CDHR3: variants seen among roughly 807,000 people sequenced by gnomAD.
The protein encoded by CDHR3 is cadherin related family member 3, also known as cadherin-related family member 3.
Under a neutral mutation model 86.6 loss-of-function variants are expected in CDHR3, and 79 were observed. The ratio of observed to expected loss-of-function variants is 0.91; its 90% CI spans 0.76 to 1.10. The LOEUF is 1.10. Among genes scored for constraint, CDHR3 ranks in the 50% least tolerant of loss-of-function variants. The probability of loss-of-function intolerance (pLI) is 0.00; values close to 1 mark genes in which losing one functional copy is unlikely to be tolerated. For missense variants in CDHR3, 1,081 were observed against 1,077.6 expected (o/e 1.00, Z -0.04); for synonymous variants, 421 against 402.4 (o/e 1.05, Z -0.55).
rs78878726 is a variant in CDHR3 at position 106,028,713 on chromosome 7, T to C, written c.2304+131T>C. ...CAGGGAGGTGCTTGTGTTTGGCTAC[T>C]GGAACAGATTGCTGTGTGACGAGCT... is the stretch of plus-strand genomic sequence containing the variant. On this transcript the variant is annotated intron_variant, in intron 17 of 18. Transcript: ENST00000317716. 8.3e-4 allele frequency: 732 copies of C among 878,506 alleles called. 9 individuals are homozygous for C. The East Asian group carries it at 0.018, about 22-fold the overall frequency. 54.4% of individuals were successfully genotyped at this position (878,506 alleles called of 1,614,324 possible).
Position 105,981,044 on chromosome 7 carries a change from AT to A in CDHR3, c.327del (p.Asp109GlufsTer11). ...NIFDLQIYVK[D>X]EVGVTDLQVL... ...TTTGATTTGCAGATTTATGTGAAGG[AT>A]GAGGTTGGTGTCACAGACCTGCAAG... On this transcript the variant is annotated frameshift_variant, in exon 3 of 19. Transcript: ENST00000317716. LOFTEE classifies it high-confidence loss of function. The A allele has an allele frequency of 6.2e-7, 1 of 1,613,028 alleles. No homozygotes were observed. The highest frequency in any genetic ancestry group is 1.7e-5 in the Admixed American group (1 of 59,882).
Position 106,032,601 on chromosome 7 carries a change from G to C in CDHR3, c.2562G>C (p.Leu854=). The C allele has an allele frequency of 6.2e-7, 1 of 1,613,922 alleles. No homozygotes were observed. Among genetic ancestry groups the C allele is most frequent in the Non-Finnish European group, 8.5e-7 (1 of 1,179,880 alleles). The change falls in exon 19 of 19, where the codon CTG becomes CTC. Residue 854 remains leucine, a synonymous_variant. Coordinates refer to ENST00000317716, the MANE Select transcript of CDHR3 (RefSeq NM_152750.5). The stretch of plus-strand genomic sequence containing the variant: ...AAGCGTGGGCTGAGGATGCTGGTCT[G>C]GGTTCCAGAAATGAGGGTGGCAAGC... ...SGKAWAEDAG[L]GSRNEGGKLG... is the part of the protein sequence containing the mutation.
At chr7:106,001,407 T>C in intron 6 of CDHR3, 55 bp from the exon 7 acceptor site, 3 of 1,602,800 alleles carry the variant, frequency 1.9e-6, no homozygotes, top group Non-Finnish European at 1.7e-6. Flanking sequence ...ATCGCCTAGA[T>C]GCTACCTTCC....
At chr7:106,016,240 G>A (rs956043887) in intron 11 of CDHR3, among the ~76,000 whole-genome samples, 3 of 152,140 alleles carry the variant, frequency 2.0e-5, no homozygotes, top group African/African-American at 4.8e-5. Context: ...GAAAACTGTT[G>A]GTTAAACTGC....
chr7:106,019,124 G>C (rs1475032710), intron 12 of CDHR3, among the ~76,000 whole-genome samples: 1 of 152,186 alleles, frequency 6.6e-6, no homozygotes, highest in East Asian at 1.9e-4. Flanking sequence ...GGCAGCCATA[G>C]ACAAAGATTG....
chr7:105,974,221 C>T (rs1429910703), intron 1 of CDHR3, among the ~76,000 whole-genome samples: 1 of 152,210 alleles, frequency 6.6e-6, no homozygotes, highest in Non-Finnish European at 1.5e-5. Context: ...ATCCCTGAGC[C>T]TCTTGTTTCC....
chr7:106,022,296 A>G lies in CDHR3; in HGVS notation c.1924A>G (p.Lys642Glu). 1 of 1,614,004 alleles carries G rather than the reference A, an allele frequency of 6.2e-7. No individual in the cohort carries two copies. Among genetic ancestry groups the G allele is most frequent in the Non-Finnish European group, 8.5e-7 (1 of 1,179,890 alleles). ...CTTTGACTATGCTGGTGGGTTTGAT[A>G]AGATCTGGGACTACAAGCTACTTGT... is the stretch of plus-strand genomic sequence containing the variant. ...SRFDYAGGFD[K>E]IWDYKLLVYV... Residue 642 changes from lysine (K) to glutamate (E), a missense_variant, in exon 14 of 19, where the codon AAG (lysine) becomes GAG (glutamate). By Grantham distance (56) the Lys-to-Glu change is moderately conservative. Coordinates refer to ENST00000317716, the MANE Select transcript of CDHR3 (RefSeq NM_152750.5).
chr7:105,978,045 G>A (rs754579517), intron 2 of CDHR3, among the ~76,000 whole-genome samples: 5 of 152,274 alleles, frequency 3.3e-5, no homozygotes, highest in Admixed American at 6.5e-5. Context: ...CACACTGAAG[G>A]TGGGAAAACT....
At chr7:105,993,693 A>G (rs1393206681) in intron 4 of CDHR3, among the ~76,000 whole-genome samples, 2 of 113,236 alleles carry the variant, frequency 1.8e-5, no homozygotes, top group Admixed American at 1.6e-4. Flanking sequence ...AAAAAAAAAA[A>G]AAAAAAAAAA....
chr7:105,967,834 C>T (rs1285825509), intron 1 of CDHR3, among the ~76,000 whole-genome samples: 2 of 151,994 alleles, frequency 1.3e-5, no homozygotes, highest in Non-Finnish European at 2.9e-5. Flanking sequence ...TGTTTTAGTT[C>T]TTTGTAGATT....
At chr7:105,979,477 A>G (rs1411255265) in intron 2 of CDHR3, among the ~76,000 whole-genome samples, 3 of 152,324 alleles carry the variant, frequency 2.0e-5, no homozygotes, top group South Asian at 2.1e-4. Flanking sequence ...AATGTCCAAC[A>G]TAATACCTAC....
In CDHR3 at chr7:105,963,364, G is replaced by A. The variant is rs1772753183; in HGVS notation, c.46G>A (p.Gly16Arg). Residue 16 changes from glycine (G) to arginine (R), a missense_variant and splice_region_variant, in exon 1 of 19, where the codon GGG becomes AGG. Gly to Arg is a moderately radical substitution (Grantham distance 125). Transcript: ENST00000317716. The stretch of plus-strand genomic sequence containing the variant: ...CCTGGCTCTCCTGGGTGCCATGTCA[G>A]GTAGGAACTCAATTTTGCTTTGGAA... ...ILLALLGAMSGGEALHLILLP... is the reference protein window; with the variant it reads ...ILLALLGAMSRGEALHLILLP... 6.2e-7 allele frequency: 1 copy of A among 1,613,798 alleles called. No homozygotes were observed. The highest frequency in any genetic ancestry group is 8.5e-7 in the Non-Finnish European group (1 of 1,179,808).
At chr7:106,021,095 G>A (rs1011180480) in intron 13 of CDHR3, among the ~76,000 whole-genome samples, 10 of 152,110 alleles carry the variant, frequency 6.6e-5, no homozygotes, top group East Asian at 1.9e-4. Flanking sequence ...GATTAAGTGC[G>A]TTTTGAAACG....
At chr7:106,022,173 C>T in intron 13 of CDHR3, 25 bp from the exon 14 acceptor site, 1 of 1,611,372 alleles carries the variant, frequency 6.2e-7, no homozygotes, top group Non-Finnish European at 8.5e-7. Flanking sequence ...CTTTTACCAA[C>T]ACCCCTGCAT....
At chr7:105,964,236 A>G (rs1185666675) in intron 1 of CDHR3, among the ~76,000 whole-genome samples, 1 of 152,108 alleles carries the variant, frequency 6.6e-6, no homozygotes, top group Non-Finnish European at 1.5e-5. Flanking sequence ...CATTCTTATT[A>G]TGGTTATTTC....
chr7:106,005,307 C>T (rs1030564074), intron 8 of CDHR3, among the ~76,000 whole-genome samples: 2 of 152,214 alleles, frequency 1.3e-5, no homozygotes, highest in Admixed American at 1.3e-4. Flanking sequence ...AATCTATTTG[C>T]TATTATTTTA....
At chr7:105,982,289 A>AC (rs1490401142) in intron 3 of CDHR3, among the ~76,000 whole-genome samples, 1 of 151,836 alleles carries the variant, frequency 6.6e-6, no homozygotes, top group African/African-American at 2.4e-5. Context: ...TAACATGGTG[A>AC]AACCCCATCT....
chr7:106,005,635 G>A (rs1158579892), intron 8 of CDHR3, among the ~76,000 whole-genome samples: 3 of 152,322 alleles, frequency 2.0e-5, no homozygotes, highest in African/African-American at 7.2e-5. Flanking sequence ...GAGTGGTTTT[G>A]TAAGTTTTCT....
intron 6 of CDHR3, among the ~76,000 whole-genome samples, chr7:105,998,990 C>T (rs1345527527): frequency 6.6e-6 from 1 of 152,206 alleles, no homozygotes; most frequent in Non-Finnish European, 1.5e-5. Context: ...TGGGCACTTA[C>T]TGAATACTCA....
Sources: allele counts gnomAD v4.1 joint callset (sites outside exome capture counted in the v4.1 genomes callset), GRCh38; gene constraint gnomAD v4.1.1; transcripts MANE v1.5; gene names NCBI Gene and HGNC (gene_info 2026-07-23, HGNC 2026-07-21).